TMEM17: variants seen among roughly 807,000 people sequenced by gnomAD.
TMEM17 encodes transmembrane protein 17.
TMEM17 carries 15 observed loss-of-function variants against 19.1 expected under a neutral mutation model. That is an observed-to-expected ratio of 0.78 (90% CI 0.52 to 1.21). The LOEUF is 1.21. TMEM17 is among the 50% of genes most tolerant of loss of function. TMEM17 has a pLI of 0.00. For synonymous variants in TMEM17, 103 were observed against 86.9 expected (o/e 1.19, Z -1.03); for missense variants, 245 against 242.3 (o/e 1.01, Z -0.07).
chr2:62,457,090 C>T, the TMEM17 span, among the ~76,000 whole-genome samples: 1 of 152,242 alleles, frequency 6.6e-6, no homozygotes, highest in African/African-American at 2.4e-5. This position sits in a 1 kb window ranked among gnomAD's most constrained non-coding sequence, Gnocchi z 4.2. Context: ...AGGCGATAGC[C>T]ACCCTGCGAT....
the TMEM17 span, among the ~76,000 whole-genome samples, chr2:62,475,645 A>G: frequency 6.6e-6 from 1 of 152,308 alleles, no homozygotes; most frequent in Non-Finnish European, 1.5e-5. Context: ...GAGCCTGTCA[A>G]TTGTAAAGAG....
At chr2:62,502,572 G>C (rs370416723) in intron 2 of TMEM17, 22 bp from the exon 3 acceptor site, 1 of 1,534,898 alleles carries the variant, frequency 6.5e-7, no homozygotes, top group South Asian at 1.2e-5. Flanking sequence ...GCCAAAACAT[G>C]TTTGTAAAAT....
At chr2:62,480,888 G>A in the TMEM17 span, among the ~76,000 whole-genome samples, 2 of 151,914 alleles carry the variant, frequency 1.3e-5, no homozygotes, top group Non-Finnish European at 2.9e-5. Context: ...TCCCTGAGGA[G>A]GCTATTCAGG....
chr2:62,498,210 C>A (rs901530761), downstream of TMEM17, among the ~76,000 whole-genome samples: 5 of 150,848 alleles, frequency 3.3e-5, no homozygotes, highest in Non-Finnish European at 5.9e-5. Context: ...CATGGTGAAA[C>A]CCTGCCTCTA....
Position 62,502,443 on chromosome 2 carries a change from C to T in TMEM17, c.312G>A (p.Gln104=). 1 of 1,597,596 alleles carries T rather than the reference C, an allele frequency of 6.3e-7. No homozygotes were observed. Among genetic ancestry groups the T allele is most frequent in the Non-Finnish European group, 8.6e-7 (1 of 1,165,562 alleles). ...AAAGGAAAAAAGAGCTTACCTTCTCCTGTAGGTTACCCACGTAGCCCAGAT... is the reference window on the plus strand; with the variant it reads ...AAAGGAAAAAAGAGCTTACCTTCTCTTGTAGGTTACCCACGTAGCCCAGAT... ...RLYLGYVGNL[Q]EKVPELAGFW... The change falls in exon 3 of 4, where the codon CAG becomes CAA. Residue 104 remains glutamine, a synonymous_variant. Coordinates refer to ENST00000335390, the MANE Select transcript of TMEM17 (RefSeq NM_198276.3).
chr2:62,468,339 C>T, the TMEM17 span, among the ~76,000 whole-genome samples: 1 of 152,186 alleles, frequency 6.6e-6, no homozygotes, highest in Non-Finnish European at 1.5e-5. Flanking sequence ...GACTAGCCTA[C>T]ACCCTGTCAG....
chr2:62,485,915 T>TTGC, the TMEM17 span, among the ~76,000 whole-genome samples: 1 of 152,208 alleles, frequency 6.6e-6, no homozygotes, highest in Non-Finnish European at 1.5e-5. Flanking sequence ...TCAAGAAGAT[T>TTGC]TGCACGGAAT....
the TMEM17 span, among the ~76,000 whole-genome samples, chr2:62,485,333 C>T: frequency 6.6e-6 from 1 of 152,190 alleles, no homozygotes; most frequent in Non-Finnish European, 1.5e-5. Context: ...CTTATTTCTT[C>T]CCCCACTTCT....
chr2:62,460,865 G>A, the TMEM17 span, among the ~76,000 whole-genome samples: 1 of 152,172 alleles, frequency 6.6e-6, no homozygotes, highest in African/African-American at 2.4e-5. Context: ...CAGGCACTCC[G>A]GAGAACAAAG....
At chr2:62,498,703 G>A (rs1423436200), downstream of TMEM17, among the ~76,000 whole-genome samples, 1 of 143,050 alleles carries the variant, frequency 7.0e-6, no homozygotes, top group Non-Finnish European at 1.5e-5. Flanking sequence ...GCGACAGAGC[G>A]AGACTCCGTC....
the TMEM17 span, among the ~76,000 whole-genome samples, chr2:62,492,042 C>T: frequency 6.6e-6 from 1 of 152,072 alleles, no homozygotes; most frequent in African/African-American, 2.4e-5. Context: ...AGCTTCTGGA[C>T]CCTTTTTTGC....
chr2:62,490,335 C>T, the TMEM17 span, among the ~76,000 whole-genome samples: 1 of 152,222 alleles, frequency 6.6e-6, no homozygotes, highest in East Asian at 1.9e-4. Flanking sequence ...ACAATCCTGG[C>T]TGACCGCAGC....
chr2:62,501,475 C>T lies in TMEM17; in HGVS notation c.331G>A (p.Ala111Thr). Residue 111 changes from alanine to threonine, a missense_variant, in exon 4 of 4, where the codon GCT (alanine) becomes ACT (threonine). Physicochemically the swap from Ala to Thr is moderately conservative, Grantham distance 58. Coordinates refer to ENST00000335390, the MANE Select transcript of TMEM17 (RefSeq NM_198276.3). ...AGAAGGCTCAAAAGCCAAAAGCCAG[C>T]CAACTCAGGAACCTGCAATGACACA... ...GNLQEKVPEL[A>T]GFWLLSLLLQ... The T allele has an allele frequency of 1.2e-6, 2 of 1,611,914 alleles. No homozygotes were observed. Among genetic ancestry groups the T allele is most frequent in the South Asian group, 1.1e-5 (1 of 90,686 alleles).
At chr2:62,461,918 C>G in the TMEM17 span, among the ~76,000 whole-genome samples, 6 of 152,360 alleles carry the variant, frequency 3.9e-5, 1 homozygote, top group African/African-American at 1.4e-4. Context: ...CTGCCCTGCT[C>G]TCTTTCCTCT....
chr2:62,481,735 G>T, the TMEM17 span, among the ~76,000 whole-genome samples: 2 of 149,736 alleles, frequency 1.3e-5, no homozygotes, highest in Admixed American at 1.3e-4. Context: ...GTGTGTGTGT[G>T]TAAGGGGGGA....
At chr2:62,484,417 C>T in the TMEM17 span, among the ~76,000 whole-genome samples, 1 of 152,202 alleles carries the variant, frequency 6.6e-6, no homozygotes, top group Non-Finnish European at 1.5e-5. Flanking sequence ...TACTGTCTTG[C>T]TGTCTTTCTC....
chr2:62,492,199 T>C, the TMEM17 span, among the ~76,000 whole-genome samples: 1 of 152,194 alleles, frequency 6.6e-6, no homozygotes, highest in African/African-American at 2.4e-5. Context: ...TGAAAAAGCA[T>C]GATCTTTGGA....
chr2:62,489,760 C>T, the TMEM17 span, among the ~76,000 whole-genome samples: 3 of 152,040 alleles, frequency 2.0e-5, no homozygotes, highest in Non-Finnish European at 4.4e-5. Context: ...TGCACTTGTG[C>T]CCCAATTTGA....
chr2:62,470,847 C>A, the TMEM17 span, among the ~76,000 whole-genome samples: 1 of 152,224 alleles, frequency 6.6e-6, no homozygotes, highest in Non-Finnish European at 1.5e-5. Flanking sequence ...ACACTGCAAC[C>A]AACACCCTTA....
Sources: allele counts gnomAD v4.1 joint callset (sites outside exome capture counted in the v4.1 genomes callset), GRCh38; gene constraint gnomAD v4.1.1; non-coding constraint Gnocchi (gnomAD v3.1); transcripts MANE v1.5; gene names NCBI Gene and HGNC (gene_info 2026-07-23, HGNC 2026-07-21).